Variants in PDE3B observed in about 807,000 individuals in gnomAD.
PDE3B encodes cGMP-inhibited 3',5'-cyclic phosphodiesterase 3B.
A neutral mutation model predicts 116.8 loss-of-function variants in PDE3B; 66 were observed. The ratio of observed to expected loss-of-function variants is 0.56; its 90% confidence interval spans 0.46 to 0.69. PDE3B has a LOEUF of 0.69. Ranked by LOEUF, PDE3B falls within the 30% of genes least tolerant of loss-of-function variation. The probability of loss-of-function intolerance (pLI) is 0.00; values close to 1 mark genes in which losing one functional copy is unlikely to be tolerated. For missense variants in PDE3B, 1,384 were observed against 1,368.1 expected, an observed-to-expected ratio of 1.01 and a Z score of -0.18; for synonymous variants, 595 against 533.6, an observed-to-expected ratio of 1.12 and a Z score of -1.59.
chr11:14,784,993 C>A (rs2133914434), intron 2 of PDE3B, among the ~76,000 whole-genome samples: 1 of 152,136 alleles, frequency 6.6e-6, no homozygotes, highest in Middle Eastern at 3.4e-3. Flanking sequence ...CATTTAGAAT[C>A]ACAATAATCA....
intron 1 of PDE3B, among the ~76,000 whole-genome samples, chr11:14,684,647 C>T (rs1854813994): frequency 6.6e-6 from 1 of 152,108 alleles, no homozygotes; most frequent in Admixed American, 6.6e-5. Context: ...CTGTAGGGAA[C>T]CAGGGCATAT....
chr11:14,888,089 T>A, the PDE3B span, among the ~76,000 whole-genome samples: 1 of 152,228 alleles, frequency 6.6e-6, no homozygotes, highest in Non-Finnish European at 1.5e-5. Flanking sequence ...TCAGATGCTA[T>A]CTTTGTGGTG....
At chr11:14,740,155 G>A (rs1160217728) in intron 1 of PDE3B, among the ~76,000 whole-genome samples, 3 of 152,046 alleles carry the variant, frequency 2.0e-5, no homozygotes, top group Non-Finnish European at 4.4e-5. Context: ...TCTATTGATT[G>A]GAATAGTTTC....
intron 11 of PDE3B, among the ~76,000 whole-genome samples, chr11:14,839,941 G>T (rs1183809105): frequency 6.6e-6 from 1 of 152,176 alleles, no homozygotes; most frequent in East Asian, 1.9e-4. Context: ...GACATGTTGA[G>T]ATATTTCCTC....
chr11:14,802,598 A>G (rs920753245), intron 4 of PDE3B, among the ~76,000 whole-genome samples: 2 of 152,052 alleles, frequency 1.3e-5, no homozygotes, highest in Non-Finnish European at 1.5e-5. Flanking sequence ...CTATTCAACC[A>G]TCTTGCCTGG....
intron 4 of PDE3B, among the ~76,000 whole-genome samples, chr11:14,792,594 T>A (rs1858422317): frequency 6.6e-6 from 1 of 152,110 alleles, no homozygotes; most frequent in Non-Finnish European, 1.5e-5. Flanking sequence ...CTGTTCTTAT[T>A]GTTAAGAGTT....
At position 14,644,222 on chromosome 11, in the gene PDE3B, C is replaced by A; in HGVS notation, c.147C>A (p.Phe49Leu). ...LRQDPPRGFF[F>L]HLCRFCNVEL... ...AGGACCCTCCGCGCGGCTTCTTCTT[C>A]CACCTCTGCCGCTTCTGCAACGTGG... is the stretch of plus-strand genomic sequence containing the variant. The change falls in exon 1 of 16, where the codon TTC becomes TTA. Residue 49 changes from phenylalanine to leucine, a missense_variant. Phe to Leu is a conservative substitution (Grantham distance 22, BLOSUM62 0). This residue lies in a region of PDE3B where 956 missense variants were observed against 806.8 expected (regional missense o/e 1.18). Transcript: ENST00000282096. 6.3e-7 allele frequency: 1 copy of A among 1,590,414 alleles called. No homozygotes were observed. The highest frequency in any genetic ancestry group is 1.4e-5 in the African/African-American group (1 of 74,046).
chr11:14,665,921 G>A (rs957685113), intron 1 of PDE3B, among the ~76,000 whole-genome samples: 4 of 152,148 alleles, frequency 2.6e-5, no homozygotes, highest in African/African-American at 9.7e-5. Context: ...TCACAGAATT[G>A]GAAAAAGCTA....
chr11:14,796,040 G>A (rs752612496), intron 4 of PDE3B, among the ~76,000 whole-genome samples: 53 of 151,788 alleles, frequency 3.5e-4, no homozygotes, highest in African/African-American at 8.7e-4. Context: ...CCCACCCCCC[G>A]ACAGGCCCTG....
At chr11:14,668,032 TAAA>T (rs200897741) in intron 1 of PDE3B, among the ~76,000 whole-genome samples, 1 of 131,104 alleles carries the variant, frequency 7.6e-6, no homozygotes, top group African/African-American at 2.8e-5. Context: ...AATGCAAGAG[TAAA>T]AAAAAAAAAG....
At chr11:14,890,763 C>T in the PDE3B span, 124 of 614,790 alleles carry the variant, frequency 2.0e-4, 2 homozygotes, top group African/African-American at 2.4e-3. Flanking sequence ...TTAGCCACGA[C>T]GGTCTCGATC....
rs1848108040 is a variant in PDE3B at position 14,869,541 on chromosome 11, G to C, written c.3220G>C (p.Glu1074Gln). The change falls in exon 16 of 16, where the codon GAA (glutamate) becomes CAA (glutamine). Residue 1074 changes from glutamate (E) to glutamine (Q), a missense_variant. Physicochemically the swap from Glu to Gln is conservative, Grantham distance 29. Coordinates refer to ENST00000282096, the MANE Select transcript of PDE3B (RefSeq NM_000922.4). ...HLTENHKIWK[E>Q]IVEEEEKCKA... ...CACTGAAAACCACAAGATATGGAAG[G>C]AAATCGTAGAGGAAGAAGAAAAATG... 1 of 1,613,638 alleles carries C rather than the reference G, an allele frequency of 6.2e-7. No homozygotes were observed. Among genetic ancestry groups the C allele is most frequent in the Admixed American group, 1.7e-5 (1 of 59,918 alleles).
chr11:14,709,660 C>T (rs534895727), intron 1 of PDE3B, among the ~76,000 whole-genome samples: 2 of 152,184 alleles, frequency 1.3e-5, no homozygotes, highest in African/African-American at 4.8e-5. Flanking sequence ...TAGCACCTCT[C>T]TCCCCCGCAC....
intron 1 of PDE3B, among the ~76,000 whole-genome samples, chr11:14,665,004 T>C (rs1420039282): frequency 6.6e-6 from 1 of 152,212 alleles, no homozygotes; most frequent in Non-Finnish European, 1.5e-5. Context: ...TGAACATTGA[T>C]GCAAAAATCC....
intron 1 of PDE3B, among the ~76,000 whole-genome samples, chr11:14,765,308 T>G (rs866449631): frequency 6.6e-6 from 1 of 152,070 alleles, no homozygotes; most frequent in African/African-American, 2.4e-5. Context: ...TTTGGCTACA[T>G]AGAGAACAAT....
At chr11:14,873,376 G>C (rs1417668064), downstream of PDE3B, among the ~76,000 whole-genome samples, 5 of 152,158 alleles carry the variant, frequency 3.3e-5, no homozygotes, top group Non-Finnish European at 5.9e-5. Flanking sequence ...CAGAACGGCA[G>C]AGCAAGATTT....
chr11:14,644,445 A>G lies in PDE3B; in HGVS notation c.370A>G (p.Ser124Gly), dbSNP rs750213379. 13 of 1,612,962 alleles carry G rather than the reference A, an allele frequency of 8.1e-6. No homozygotes were observed. In the South Asian group the frequency reaches 1.2e-4, roughly 15 times the overall value. ...TTCGCACAGCTTGAGCCCCCTCTTC[A>G]GCATCGCCTGTGCCTTCTTCTTCCT... ...VCSHSLSPLF[S>G]IACAFFFLTC... Residue 124 changes from serine (S) to glycine (G), a missense_variant, in exon 1 of 16, where the codon AGC (serine) becomes GGC (glycine). Transcript: ENST00000282096.
At chr11:14,708,114 T>G (rs898122660) in intron 1 of PDE3B, among the ~76,000 whole-genome samples, 3 of 151,934 alleles carry the variant, frequency 2.0e-5, no homozygotes, top group Non-Finnish European at 2.9e-5. Flanking sequence ...TAGGGATGAG[T>G]CCCTCACAAA....
intron 1 of PDE3B, among the ~76,000 whole-genome samples, chr11:14,688,390 G>A (rs992206541): frequency 3.3e-5 from 5 of 152,130 alleles, no homozygotes; most frequent in Admixed American, 1.3e-4. Context: ...ACATACGTCA[G>A]TATCTGTGTA....
Sources: allele counts gnomAD v4.1 joint callset (sites outside exome capture counted in the v4.1 genomes callset), GRCh38; gene constraint gnomAD v4.1.1; regional missense constraint gnomAD v4.1.1; transcripts MANE v1.5; gene names NCBI Gene and HGNC (gene_info 2026-07-23, HGNC 2026-07-21).